CDH13: variants seen among roughly 807,000 people sequenced by gnomAD.
CDH13 encodes cadherin 13.
In CDH13, 24 loss-of-function variants were observed where a neutral mutation model predicts 63.8. The observed-to-expected ratio is 0.38, with a 90% CI of 0.27 to 0.53. The LOEUF is 0.53. CDH13 is among the 20% of genes least tolerant of loss of function. CDH13 has a pLI of 0.85. For synonymous variants in CDH13, 503 were observed against 355.3 expected (o/e 1.42, Z -4.67); for missense variants, 1,049 against 903.1 (o/e 1.16, Z -2.07).
intron 6 of CDH13, among the ~76,000 whole-genome samples, chr16:83,468,231 T>A (rs902020): frequency 4.6e-5 from 7 of 152,262 alleles, no homozygotes; most frequent in Middle Eastern, 3.4e-3. Context: ...AGGTGGGCCC[T>A]GAATGCCATC....
chr16:83,204,250 TG>T (rs571756503), intron 4 of CDH13, among the ~76,000 whole-genome samples: 2 of 152,334 alleles, frequency 1.3e-5, no homozygotes, highest in South Asian at 4.1e-4. Context: ...CCATGGGCTC[TG>T]GGGGATTTGG....
At chr16:82,865,600 C>T (rs1056040635) in intron 2 of CDH13, among the ~76,000 whole-genome samples, 21 of 152,322 alleles carry the variant, frequency 1.4e-4, no homozygotes, top group African/African-American at 4.6e-4. Context: ...GCAGCAAGGC[C>T]CTGGGTCTGG....
At chr16:83,246,056 T>C (rs1164881306) in intron 5 of CDH13, among the ~76,000 whole-genome samples, 2 of 152,238 alleles carry the variant, frequency 1.3e-5, no homozygotes, top group African/African-American at 4.8e-5. Context: ...ATTTCTTGTT[T>C]GACCAGGATG....
chr16:83,383,662 T>C (rs2091614716), intron 6 of CDH13, among the ~76,000 whole-genome samples: 1 of 152,280 alleles, frequency 6.6e-6, no homozygotes, highest in Non-Finnish European at 1.5e-5. Context: ...TCTTTTTTAA[T>C]GCTGTGCTTA....
chr16:83,272,015 T>C (rs2088834386), intron 5 of CDH13, among the ~76,000 whole-genome samples: 1 of 152,184 alleles, frequency 6.6e-6, no homozygotes, highest in Non-Finnish European at 1.5e-5. Context: ...TTAAAAAGTG[T>C]TTTTCATCCA....
chr16:83,411,521 A>G (rs996657886), intron 6 of CDH13, among the ~76,000 whole-genome samples: 9 of 152,200 alleles, frequency 5.9e-5, no homozygotes, highest in Admixed American at 1.3e-4. Flanking sequence ...TGAATATTCA[A>G]ATTCATTCAT....
At chr16:83,462,694 TG>T (rs2073211216) in intron 6 of CDH13, among the ~76,000 whole-genome samples, 1 of 152,160 alleles carries the variant, frequency 6.6e-6, no homozygotes, top group African/African-American at 2.4e-5. Flanking sequence ...AGGTGGAGGT[TG>T]CAGTAAGTCA....
intron 11 of CDH13, among the ~76,000 whole-genome samples, chr16:83,763,996 A>G (rs1914184030): frequency 6.6e-6 from 1 of 152,116 alleles, no homozygotes; most frequent in South Asian, 2.1e-4. Context: ...CTCAGCCTCA[A>G]TTTCCCCACC....
At chr16:83,560,905 C>G (rs548963417) in intron 7 of CDH13, among the ~76,000 whole-genome samples, 4 of 152,110 alleles carry the variant, frequency 2.6e-5, no homozygotes, top group South Asian at 2.1e-4. Flanking sequence ...GTTGGCCCCC[C>G]CCCCGCCCCA....
rs34196459 is a variant in CDH13 at position 83,047,034 on chromosome 16, T to C, written c.366+14816T>C. 0.078 allele frequency among the ~76,000 whole-genome samples: 11,947 copies of C among 152,220 alleles called. 711 individuals carry two copies. The highest frequency in any genetic ancestry group is 0.17 in the East Asian group (871 of 5,170). Reference sequence around the variant, plus strand: ...GCAGCAAATCCTTTGACAGAGAATGTGCACTGTCAACCAACCCCTTCATCG... The same window carrying C: ...GCAGCAAATCCTTTGACAGAGAATGCGCACTGTCAACCAACCCCTTCATCG... On this transcript the variant is annotated intron_variant, in intron 3 of 13. Coordinates refer to ENST00000567109, the MANE Select transcript of CDH13 (RefSeq NM_001257.5). The surrounding 1 kb of genome is among the most constrained non-coding windows in gnomAD (Gnocchi z 4.9).
At position 82,629,755 on chromosome 16, in the gene CDH13, G is replaced by C. The variant is rs754000097; in HGVS notation, c.45+2618G>C. Among the ~76,000 whole-genome samples, 4 of 152,302 alleles carry C rather than the reference G, an allele frequency of 2.6e-5. No homozygotes were observed. The East Asian group carries it at 7.7e-4, about 29-fold the overall frequency. On this transcript the variant is annotated intron_variant, in intron 1 of 13. Coordinates refer to ENST00000567109, the MANE Select transcript of CDH13 (RefSeq NM_001257.5). Reference sequence around the variant, plus strand: ...GCAACAATGACTGGAAGCTGGCACCGTTGAACAGTCACCTCTCCTATCCCC... The same window carrying C: ...GCAACAATGACTGGAAGCTGGCACCCTTGAACAGTCACCTCTCCTATCCCC...
intron 13 of CDH13, among the ~76,000 whole-genome samples, chr16:83,786,992 T>G (rs1171523574): frequency 6.6e-6 from 1 of 152,212 alleles, no homozygotes; most frequent in Non-Finnish European, 1.5e-5. Context: ...TCAGAAACAA[T>G]AGCTACCATG....
intron 1 of CDH13, among the ~76,000 whole-genome samples, chr16:82,853,399 A>T (rs1342700824): frequency 6.6e-6 from 1 of 152,272 alleles, no homozygotes; most frequent in Non-Finnish European, 1.5e-5. Flanking sequence ...GGATTTAAAT[A>T]TAATACATAG....
chr16:83,232,421 A>T (rs2040024992), intron 5 of CDH13, among the ~76,000 whole-genome samples: 1 of 151,614 alleles, frequency 6.6e-6, no homozygotes, highest in Non-Finnish European at 1.5e-5. Flanking sequence ...GCTACTAGGG[A>T]GGCTGAGGCA....
chr16:82,696,639 C>A (rs748844665), intron 1 of CDH13, among the ~76,000 whole-genome samples: 1 of 152,216 alleles, frequency 6.6e-6, no homozygotes, highest in Non-Finnish European at 1.5e-5. Context: ...TGACTCTTAT[C>A]ATTTCATTTA....
intron 4 of CDH13, among the ~76,000 whole-genome samples, chr16:83,188,657 C>G (rs77282465): frequency 6.6e-6 from 1 of 152,094 alleles, no homozygotes; most frequent in Admixed American, 6.6e-5. Context: ...AAATTTAAGC[C>G]TCCTGGAATT....
At chr16:82,773,001 C>T (rs543308730) in intron 1 of CDH13, among the ~76,000 whole-genome samples, 16 of 152,086 alleles carry the variant, frequency 1.1e-4, no homozygotes, top group African/African-American at 1.9e-4. Context: ...ATGTAGAGAG[C>T]GCACGAGAGC....
intron 12 of CDH13, among the ~76,000 whole-genome samples, chr16:83,781,822 G>T (rs530307905): frequency 1.3e-4 from 19 of 151,668 alleles, no homozygotes; most frequent in African/African-American, 4.6e-4. Flanking sequence ...GTGCATGTGG[G>T]GCTTAATACC....
chr16:83,109,962 G>C (rs2034979483), intron 3 of CDH13, among the ~76,000 whole-genome samples: 1 of 152,208 alleles, frequency 6.6e-6, no homozygotes, highest in African/African-American at 2.4e-5. Flanking sequence ...AGAGGCAATT[G>C]CATCTTGGAA....
Sources: gnomAD v4.1 joint callset for allele counts (sites outside exome capture counted in the v4.1 genomes callset) on GRCh38, gnomAD v4.1.1 for gene constraint, Gnocchi (gnomAD v3.1) non-coding constraint, MANE v1.5 for transcripts, NCBI Gene and HGNC (gene_info 2026-07-23, HGNC 2026-07-21) for gene names.